Variants in PARD3 observed in about 807,000 individuals in gnomAD.
The protein encoded by PARD3 is partitioning defective 3 homolog.
In PARD3, 75 loss-of-function variants were observed where a neutral mutation model predicts 155.4. The observed-to-expected ratio is 0.48, with a 90% CI of 0.40 to 0.58. The LOEUF is 0.58. PARD3 is among the 20% of genes least tolerant of loss of function. The probability of loss-of-function intolerance (pLI) is 0.00; values close to 1 mark genes in which losing one functional copy is unlikely to be tolerated. For synonymous variants in PARD3, 576 were observed against 610.5 expected (o/e 0.94, Z 0.83); for missense variants, 1,642 against 1,721.7 (o/e 0.95, Z 0.82).
At chr10:34,766,755 G>C (rs1838156846) in intron 1 of PARD3, among the ~76,000 whole-genome samples, 1 of 151,972 alleles carries the variant, frequency 6.6e-6, no homozygotes, top group Admixed American at 6.6e-5. Flanking sequence ...GACTCAAAAG[G>C]ACCTACCGTC....
chr10:34,503,836 A>G (rs560537484), intron 3 of PARD3, among the ~76,000 whole-genome samples: 1 of 152,362 alleles, frequency 6.6e-6, no homozygotes, highest in South Asian at 2.1e-4. Context: ...GTGCCAGTAC[A>G]CAAGAATAAA....
intron 4 of PARD3, among the ~76,000 whole-genome samples, chr10:34,452,518 G>A (rs1449799045): frequency 6.6e-6 from 1 of 152,154 alleles, no homozygotes; most frequent in Non-Finnish European, 1.5e-5. Context: ...CTTTTGAAAT[G>A]AAGAGCTCAG....
At chr10:34,625,383 G>A (rs1485441213) in intron 2 of PARD3, among the ~76,000 whole-genome samples, 1 of 152,192 alleles carries the variant, frequency 6.6e-6, no homozygotes, top group East Asian at 1.9e-4. Flanking sequence ...GTAAATCTGG[G>A]CTGCTGGTGA....
At chr10:34,499,512 C>A (rs759545370) in intron 3 of PARD3, among the ~76,000 whole-genome samples, 1 of 151,310 alleles carries the variant, frequency 6.6e-6, no homozygotes, top group African/African-American at 2.4e-5. Flanking sequence ...TTTTAAATTG[C>A]ATCCAGCGGA....
At position 34,211,984 on chromosome 10, in the gene PARD3, G is replaced by A. The variant is rs189080501; in HGVS notation, c.3419+57673C>T. 2.5e-3 allele frequency among the ~76,000 whole-genome samples: 378 copies of A among 149,466 alleles called. 1 individual carries two copies. The highest frequency in any genetic ancestry group is 7.7e-3 in the African/African-American group (314 of 40,520). ...AAAAGGCCACTTTTTGGTATATCAC[G>A]TAAGATGTTACTTCTTTGGAATCTC... On this transcript the variant is annotated intron_variant, in intron 22 of 24. Transcript: ENST00000374788.
intron 1 of PARD3, among the ~76,000 whole-genome samples, chr10:34,810,055 C>G (rs1043294882): frequency 1.3e-5 from 2 of 152,158 alleles, no homozygotes; most frequent in African/African-American, 4.8e-5. Context: ...ACCAAAAAAG[C>G]ACATTTTCAA....
At chr10:34,798,448 T>G (rs1240087560) in intron 1 of PARD3, among the ~76,000 whole-genome samples, 6 of 151,254 alleles carry the variant, frequency 4.0e-5, no homozygotes, top group Admixed American at 1.3e-4. Flanking sequence ...CTCACAACTG[T>G]AATTCCAGCA....
At chr10:34,381,298 C>T (rs1841796287) in intron 9 of PARD3, among the ~76,000 whole-genome samples, 1 of 152,118 alleles carries the variant, frequency 6.6e-6, no homozygotes, top group South Asian at 2.1e-4. Flanking sequence ...CTCTTGGAAT[C>T]ATTTCCATCC....
At chr10:34,165,990 C>A (rs925397821) in intron 22 of PARD3, among the ~76,000 whole-genome samples, 1 of 152,188 alleles carries the variant, frequency 6.6e-6, no homozygotes, top group Non-Finnish European at 1.5e-5. Flanking sequence ...TTCTATTATC[C>A]CTTTATCGGT....
chr10:34,331,374 G>C (rs748895740), intron 18 of PARD3, 30 bp from the exon 19 acceptor site: 9 of 1,434,254 alleles, frequency 6.3e-6, no homozygotes, highest in South Asian at 1.2e-5. Flanking sequence ...AAAAATGTTA[G>C]TGTGAATTAG....
At chr10:34,415,262 A>G (rs1229187570) in intron 5 of PARD3, among the ~76,000 whole-genome samples, 2 of 152,202 alleles carry the variant, frequency 1.3e-5, no homozygotes, top group Non-Finnish European at 2.9e-5. Context: ...CTGGCAACCA[A>G]TATAGTGTCA....
intron 2 of PARD3, among the ~76,000 whole-genome samples, chr10:34,671,895 G>A (rs916619042): frequency 6.6e-6 from 1 of 152,104 alleles, no homozygotes; most frequent in African/African-American, 2.4e-5. Context: ...AAAAAACTGG[G>A]TTTAGTTACA....
intron 22 of PARD3, among the ~76,000 whole-genome samples, chr10:34,176,450 T>C (rs1441020): frequency 0.078 from 11,885 of 152,242 alleles, 1,067 homozygotes; most frequent in African/African-American, 0.22. Flanking sequence ...ACTTGTTTAT[T>C]GAGAGACAGC....
chr10:34,616,830 G>A (rs1274208051), intron 2 of PARD3, among the ~76,000 whole-genome samples: 1 of 150,552 alleles, frequency 6.6e-6, no homozygotes, highest in East Asian at 1.9e-4. Context: ...AGCTACTCAG[G>A]ACACTGAGGT....
chr10:34,814,816 A>G lies in PARD3; in HGVS notation c.120+60T>C, dbSNP rs1844701048. ...TCCTCCCCCTTCCAGGAAGCGCCATATTGATCCCGGCGCCGTCCCCGCCGC... is the reference window on the plus strand; with the variant it reads ...TCCTCCCCCTTCCAGGAAGCGCCATGTTGATCCCGGCGCCGTCCCCGCCGC... On this transcript the variant is annotated intron_variant, in intron 1 of 24. Coordinates refer to ENST00000374788, the MANE Select transcript of PARD3 (RefSeq NM_001184785.2). 7.8e-6 allele frequency: 10 copies of G among 1,285,992 alleles called. No homozygotes were observed. The South Asian group carries it at 1.1e-4, about 14-fold the overall frequency. The allele number at this position is 1,285,992 out of a possible 1,614,324, so 79.7% of individuals were successfully genotyped here.
intron 21 of PARD3, among the ~76,000 whole-genome samples, chr10:34,275,897 C>G (rs1039309326): frequency 1.3e-5 from 2 of 151,980 alleles, no homozygotes; most frequent in African/African-American, 4.8e-5. Context: ...TTTTTCTGAA[C>G]AGTCAGATTG....
At chr10:34,697,380 T>C (rs2094194231) in intron 1 of PARD3, among the ~76,000 whole-genome samples, 1 of 152,200 alleles carries the variant, frequency 6.6e-6, no homozygotes, top group South Asian at 2.1e-4. Context: ...AGTTCTTTCC[T>C]GAAGCAAAGA....
At chr10:34,250,259 C>G (rs1368222691) in intron 22 of PARD3, among the ~76,000 whole-genome samples, 1 of 151,844 alleles carries the variant, frequency 6.6e-6, no homozygotes, top group African/African-American at 2.4e-5. Flanking sequence ...ATGCTGGAAA[C>G]ATCTTAATAG....
intron 22 of PARD3, among the ~76,000 whole-genome samples, chr10:34,154,308 A>G (rs752843782): frequency 6.6e-6 from 1 of 152,164 alleles, no homozygotes; most frequent in Admixed American, 6.5e-5. Context: ...TAATACTACT[A>G]ATAATACGTG....
Sources: allele counts gnomAD v4.1 joint callset (sites outside exome capture counted in the v4.1 genomes callset), GRCh38; gene constraint gnomAD v4.1.1; transcripts MANE v1.5; gene names NCBI Gene and HGNC (gene_info 2026-07-23, HGNC 2026-07-21).